The following PLEKHA2 variants were observed in gnomAD, a reference collection of about 807,000 sequenced individuals.
The protein encoded by PLEKHA2 is pleckstrin homology domain containing A2, also known as pleckstrin homology domain-containing family A member 2.
Under a neutral mutation model 53.2 loss-of-function variants are expected in PLEKHA2, and 28 were observed. The observed-to-expected ratio is 0.53, with a 90% CI of 0.39 to 0.72. PLEKHA2 has a LOEUF of 0.72. Ranked by LOEUF, PLEKHA2 falls within the 30% of genes least tolerant of loss-of-function variation. The pLI is 0.00. For missense variants in PLEKHA2, 426 were observed against 537.9 expected, an observed-to-expected ratio of 0.79 and a Z score of 2.06; for synonymous variants, 193 against 196.4, an observed-to-expected ratio of 0.98 and a Z score of 0.14.
At chr8:38,934,137 TAGA>T (rs967690705) in intron 2 of PLEKHA2, among the ~76,000 whole-genome samples, 8 of 151,578 alleles carry the variant, frequency 5.3e-5, no homozygotes, top group South Asian at 2.1e-4. Context: ...GAAGAAGAGG[TAGA>T]AGAAGAAGAA....
intron 6 of PLEKHA2, 88 bp from the exon 7 acceptor site, chr8:38,952,078 A>G: frequency 6.9e-7 from 1 of 1,449,130 alleles, no homozygotes; most frequent in Non-Finnish European, 9.4e-7. Context: ...TAGGGCAAAG[A>G]GGCCAGAGAT....
intron 5 of PLEKHA2, 55 bp from the exon 6 acceptor site, chr8:38,950,795 C>T: frequency 6.3e-7 from 1 of 1,576,334 alleles, no homozygotes; most frequent in Non-Finnish European, 8.6e-7. Flanking sequence ...TTTTGGGCTC[C>T]CCATGTTTCC....
chr8:38,954,649 C>A (rs1476070654), intron 9 of PLEKHA2, among the ~76,000 whole-genome samples: 1 of 152,098 alleles, frequency 6.6e-6, no homozygotes, highest in East Asian at 1.9e-4. Context: ...TCCCTGGAAC[C>A]CAGTCCAGGG....
chr8:38,938,995 C>T (rs1834549536), intron 3 of PLEKHA2, among the ~76,000 whole-genome samples: 2 of 151,804 alleles, frequency 1.3e-5, no homozygotes, highest in Admixed American at 1.3e-4. Flanking sequence ...CCTTTGCCTC[C>T]TGGGTTCAAG....
At chr8:38,932,461 C>A (rs1298297882) in intron 2 of PLEKHA2, among the ~76,000 whole-genome samples, 1 of 152,176 alleles carries the variant, frequency 6.6e-6, no homozygotes, top group African/African-American at 2.4e-5. Flanking sequence ...CTAGAGGAGT[C>A]TGAGCTATGG....
intron 2 of PLEKHA2, among the ~76,000 whole-genome samples, chr8:38,933,558 C>A (rs1276089354): frequency 6.6e-6 from 1 of 151,952 alleles, no homozygotes; most frequent in Non-Finnish European, 1.5e-5. Flanking sequence ...GTGGTGGACC[C>A]TTAGTCCTCA....
At chr8:38,938,994 C>T (rs1463315956) in intron 3 of PLEKHA2, among the ~76,000 whole-genome samples, 1 of 151,650 alleles carries the variant, frequency 6.6e-6, no homozygotes, top group Non-Finnish European at 1.5e-5. Flanking sequence ...ACCTTTGCCT[C>T]CTGGGTTCAA....
chr8:38,928,742 C>T (rs1005932622), intron 2 of PLEKHA2, among the ~76,000 whole-genome samples: 3 of 152,148 alleles, frequency 2.0e-5, no homozygotes, highest in Admixed American at 6.5e-5. Context: ...GATATAGAAT[C>T]GACTTCTCCT....
intron 2 of PLEKHA2, among the ~76,000 whole-genome samples, chr8:38,932,701 A>C (rs1156923473): frequency 6.6e-6 from 1 of 152,138 alleles, no homozygotes; most frequent in Admixed American, 6.5e-5. Flanking sequence ...CAGTCACTGG[A>C]GTGGACCCTG....
intron 5 of PLEKHA2, among the ~76,000 whole-genome samples, chr8:38,947,668 A>G (rs1274982479): frequency 6.6e-6 from 1 of 152,192 alleles, no homozygotes. Flanking sequence ...AAGGCTCTGC[A>G]TGTTGATCTG....
chr8:38,904,165 G>C (rs530604763), intron 1 of PLEKHA2, among the ~76,000 whole-genome samples: 3 of 152,322 alleles, frequency 2.0e-5, no homozygotes, highest in African/African-American at 7.2e-5. Flanking sequence ...GAGGCCGGGG[G>C]TTGGTGTAGT....
At chr8:38,962,433 G>A (rs532622889) in intron 10 of PLEKHA2, among the ~76,000 whole-genome samples, 1 of 152,334 alleles carries the variant, frequency 6.6e-6, no homozygotes, top group African/African-American at 2.4e-5. Context: ...GTCTGACTCT[G>A]TTGGAGAAGA....
At chr8:38,909,920 T>G (rs1352858375) in intron 1 of PLEKHA2, among the ~76,000 whole-genome samples, 1 of 152,106 alleles carries the variant, frequency 6.6e-6, no homozygotes, top group East Asian at 1.9e-4. Flanking sequence ...CTGGATCATA[T>G]AAAACTTCCC....
At chr8:38,902,222 G>GGT (rs1833800091) in intron 1 of PLEKHA2, among the ~76,000 whole-genome samples, 3 of 136,880 alleles carry the variant, frequency 2.2e-5, no homozygotes, top group Admixed American at 1.5e-4. Context: ...GAAGGGTGTG[G>GGT]GGGGGGGTGG....
At chr8:38,902,959 C>A (rs1833815046) in intron 1 of PLEKHA2, among the ~76,000 whole-genome samples, 1 of 152,216 alleles carries the variant, frequency 6.6e-6, no homozygotes, top group African/African-American at 2.4e-5. Context: ...CGCCTGAAGG[C>A]AGATGACTTT....
rs547344592 is a variant in PLEKHA2, at chr8:38,902,931, G to A, written c.-24+1486G>A. On this transcript the variant is annotated intron_variant, in intron 1 of 11. Transcript: ENST00000617275. ...AGCATCATCATCATCTCAGACATTA[G>A]CCCTCTTCACCATGTGCCGCCTGAA... Among the ~76,000 whole-genome samples, 12 of 152,266 alleles carry A rather than the reference G, an allele frequency of 7.9e-5. No individual in the cohort carries two copies. In the South Asian group the frequency reaches 2.1e-3, roughly 26 times the overall value.
At chr8:38,942,445 A>G (rs1834629350) in intron 3 of PLEKHA2, among the ~76,000 whole-genome samples, 1 of 152,164 alleles carries the variant, frequency 6.6e-6, no homozygotes, top group African/African-American at 2.4e-5. Context: ...TCTCAAAGAA[A>G]GAAAACCCAA....
chr8:38,909,614 A>G (rs899524884), intron 1 of PLEKHA2, among the ~76,000 whole-genome samples: 2 of 152,186 alleles, frequency 1.3e-5, no homozygotes, highest in Non-Finnish European at 2.9e-5. Flanking sequence ...CACTGGTGGA[A>G]CCTAAGGCAT....
intron 10 of PLEKHA2, among the ~76,000 whole-genome samples, chr8:38,963,591 AG>A (rs1835078239): frequency 6.6e-6 from 1 of 152,212 alleles, no homozygotes; most frequent in African/African-American, 2.4e-5. Flanking sequence ...GAGAGATTAT[AG>A]GCCAGGCCTG....
Sources: gnomAD v4.1 joint callset for allele counts (sites outside exome capture counted in the v4.1 genomes callset) on GRCh38, gnomAD v4.1.1 for gene constraint, MANE v1.5 for transcripts, NCBI Gene and HGNC (gene_info 2026-07-23, HGNC 2026-07-21) for gene names.